The following ZNF845 variants were observed in gnomAD, a reference collection of about 807,000 sequenced individuals.
ZNF845 encodes zinc finger protein 845.
Under a neutral mutation model 76.1 loss-of-function variants are expected in ZNF845, and 59 were observed. The observed-to-expected ratio is 0.78, with a 90% CI of 0.63 to 0.96. ZNF845 has a LOEUF of 0.96. Among genes scored for constraint, ZNF845 ranks in the 40% least tolerant of loss-of-function variants. The pLI, the probability that ZNF845 is intolerant of heterozygous loss-of-function variation, is 0.00. For synonymous variants in ZNF845, 361 were observed against 386.9 expected (o/e 0.93, Z 0.78); for missense variants, 1,045 against 1,172.8 (o/e 0.89, Z 1.59).
In ZNF845 at chr19:53,351,024, A is replaced by G; in HGVS notation, c.349A>G (p.Lys117Glu). Residue 117 changes from lysine (K) to glutamate (E), a missense_variant, in exon 4 of 4, where the codon AAA (lysine) becomes GAA (glutamate). Physicochemically the swap from Lys to Glu is moderately conservative, Grantham distance 56. Transcript: ENST00000458035. ...CCATGAAGCACCCATGACAGAAATCAAACAGTTGACGGGTAGTACAAACCG... is the reference window on the plus strand; with the variant it reads ...CCATGAAGCACCCATGACAGAAATCGAACAGTTGACGGGTAGTACAAACCG... The part of the protein sequence containing the change: ...NSHEAPMTEI[K>E]QLTGSTNRHD... 1 of 1,614,210 alleles carries G rather than the reference A, an allele frequency of 6.2e-7. No homozygotes were observed. The highest frequency in any genetic ancestry group is 8.5e-7 in the Non-Finnish European group (1 of 1,180,032).
In ZNF845 at chr19:53,356,396, G is replaced by C. The variant is rs2085386221; in HGVS notation, c.*2808G>C. On this transcript the variant is annotated 3_prime_UTR_variant, in exon 4 of 4. Transcript: ENST00000458035. ...TGCTAAAAGTAAAAAAAGTCAGCCA[G>C]GTGTGGTGGTGCACTGCTGTGGTCC... The C allele has an allele frequency of 6.6e-6, 1 of 152,212 alleles. No individual in the cohort carries two copies. The highest frequency in any genetic ancestry group is 2.4e-5 in the African/African-American group (1 of 41,432). 9.4% of individuals were successfully genotyped at this position (152,212 alleles called of 1,614,324 possible).
chr19:53,336,633 C>CTTTTTTT (rs398035035), intron 1 of ZNF845, among the ~76,000 whole-genome samples: 82 of 92,342 alleles, frequency 8.9e-4, no homozygotes, highest in East Asian at 1.7e-3. Flanking sequence ...TTCTTTCTTT[C>CTTTTTTT]TTTTTTTTTT....
Position 53,348,494 on chromosome 19 carries a change from T to A in ZNF845, c.143-2324T>A, listed in dbSNP as rs557710581. 5.3e-5 allele frequency among the ~76,000 whole-genome samples: 8 copies of A among 152,274 alleles called. No individual in the cohort carries two copies. The East Asian group carries it at 1.4e-3, about 26-fold the overall frequency. ...TTAATATCTCTTTTTATAAAAGCACTAGTCCTATTCATGAGTAGTCAACAC... is the reference window on the plus strand; with the variant it reads ...TTAATATCTCTTTTTATAAAAGCACAAGTCCTATTCATGAGTAGTCAACAC... On this transcript the variant is annotated intron_variant, in intron 3 of 3. Coordinates refer to ENST00000458035, the MANE Select transcript of ZNF845 (RefSeq NM_138374.3).
intron 1 of ZNF845, among the ~76,000 whole-genome samples, chr19:53,339,048 C>T (rs912725368): frequency 2.0e-5 from 3 of 152,070 alleles, no homozygotes; most frequent in South Asian, 2.1e-4. Context: ...TGCAGTGAGC[C>T]GAGATCGCGC....
chr19:53,351,753 T>C lies in ZNF845; in HGVS notation c.1078T>C (p.Cys360Arg), dbSNP rs1599987789. Residue 360 changes from cysteine to arginine, a missense_variant, in exon 4 of 4, where the codon TGT (cysteine) becomes CGT (arginine). Transcript: ENST00000458035. Reference protein sequence around the residue: ...TGEKPYKCEECDKAFSFKSNL... With the variant: ...TGEKPYKCEERDKAFSFKSNL... ...AGAGAAACCTTACAAATGTGAAGAA[T>C]GTGACAAAGCTTTCAGTTTCAAATC... 1 of 1,614,094 alleles carries C rather than the reference T, an allele frequency of 6.2e-7. No individual in the cohort carries two copies.
At chr19:53,350,785 A>C (rs1454494250) in intron 3 of ZNF845, 33 bp from the exon 4 acceptor site, 1 of 1,598,446 alleles carries the variant, frequency 6.3e-7, no homozygotes, top group Non-Finnish European at 8.5e-7. Context: ...ATCTATACTT[A>C]AGTGGAAACC....
chr19:53,348,959 C>T (rs957891053), intron 3 of ZNF845, among the ~76,000 whole-genome samples: 3 of 145,688 alleles, frequency 2.1e-5, no homozygotes, highest in Admixed American at 7.2e-5. Context: ...TGGGTTCAAA[C>T]GATTCTCCTG....
rs2085386502 is a variant in ZNF845, at chr19:53,356,436, A to G, written c.*2848A>G. ...TGCTGTGGTCCCAGCTACTCTGGGCACTGAAGTGGGAGGATCAGTTGAAGC... is the reference window on the plus strand; with the variant it reads ...TGCTGTGGTCCCAGCTACTCTGGGCGCTGAAGTGGGAGGATCAGTTGAAGC... On this transcript the variant is annotated 3_prime_UTR_variant, in exon 4 of 4. Coordinates refer to ENST00000458035, the MANE Select transcript of ZNF845 (RefSeq NM_138374.3). 6.6e-6 allele frequency: 1 copy of G among 152,314 alleles called. No individual in the cohort carries two copies. Among genetic ancestry groups the G allele is most frequent in the East Asian group, 1.9e-4 (1 of 5,164 alleles). The allele number at this position is 152,314 out of a possible 1,614,324, so 9.4% of individuals were successfully genotyped here. A position where few individuals can be genotyped will look rare whatever the true frequency, so the allele number is the denominator to read the frequency against.
chr19:53,348,881 G>T (rs894615322), intron 3 of ZNF845, among the ~76,000 whole-genome samples: 1 of 125,932 alleles, frequency 7.9e-6, no homozygotes, highest in African/African-American at 3.1e-5. Flanking sequence ...TTGTGAGACA[G>T]AGTCTCACCC....
In ZNF845 at chr19:53,353,722, A is replaced by G; in HGVS notation, c.*134A>G. On this transcript the variant is annotated 3_prime_UTR_variant, in exon 4 of 4. Transcript: ENST00000458035. ...TTGGGCGTGATTCACACCTGGCCCA[A>G]CAAACTAGAAGTCACACTGGAGAGA... 1.3e-6 allele frequency: 2 copies of G among 1,513,858 alleles called. No homozygotes were observed. Among genetic ancestry groups the G allele is most frequent in the South Asian group, 1.4e-5 (1 of 73,206 alleles). The allele number at this position is 1,513,858 out of a possible 1,614,324, so 93.8% of individuals were successfully genotyped here. A position where few individuals can be genotyped will look rare whatever the true frequency, so the allele number is the denominator to read the frequency against.
rs10420481 is a variant in ZNF845, at chr19:53,355,177, T to G, written c.*1589T>G. The stretch of plus-strand genomic sequence containing the variant: ...TCCGCCCCCATCAGCATCCCAAAGT[T>G]CTGGGATTACAGGTGTGAGCCACCG... On this transcript the variant is annotated 3_prime_UTR_variant, in exon 4 of 4. Coordinates refer to ENST00000458035, the MANE Select transcript of ZNF845 (RefSeq NM_138374.3). 0.82 allele frequency: 124,843 copies of G among 152,006 alleles called. 51,570 individuals carry two copies. The highest frequency in any genetic ancestry group is 0.88 in the Non-Finnish European group (59,611 of 68,014). 9.4% of individuals were successfully genotyped at this position (152,006 alleles called of 1,614,324 possible). A position where few individuals can be genotyped will look rare whatever the true frequency, so the allele number is the denominator to read the frequency against.
At chr19:53,344,590 T>TTTTTTTTTATTTTA in intron 2 of ZNF845, among the ~76,000 whole-genome samples, 1 of 127,246 alleles carries the variant, frequency 7.9e-6, no homozygotes, top group African/African-American at 3.2e-5. Context: ...CTACATTGAT[T>TTTTTTTTTATTTTA]TTTATTTTAT....
intron 2 of ZNF845, among the ~76,000 whole-genome samples, chr19:53,343,428 G>T (rs55861621): frequency 6.6e-6 from 1 of 152,114 alleles, no homozygotes; most frequent in East Asian, 1.9e-4. Context: ...CTCCAGGTCA[G>T]GCGGTTGAAA....
chr19:53,348,461 C>T (rs191536294), intron 3 of ZNF845, among the ~76,000 whole-genome samples: 11 of 152,202 alleles, frequency 7.2e-5, no homozygotes, highest in East Asian at 1.9e-4. Context: ...GAACAGGAAA[C>T]GAGCTCTTTA....
At chr19:53,334,840 G>T (rs749164428) in intron 1 of ZNF845, among the ~76,000 whole-genome samples, 2 of 152,066 alleles carry the variant, frequency 1.3e-5, no homozygotes, top group Non-Finnish European at 2.9e-5. Context: ...AGCCCAGGAG[G>T]TCCAGGCTGC....
intron 3 of ZNF845, 98 bp from the exon 4 acceptor site, chr19:53,350,720 T>C: frequency 6.8e-7 from 1 of 1,460,856 alleles, no homozygotes; most frequent in Non-Finnish European, 9.2e-7. Context: ...GTTTGGGAAG[T>C]TTAAAATAAG....
Position 53,351,079 on chromosome 19 carries a change from CTAT to C in ZNF845, c.407_409del (p.Ile136del), listed in dbSNP as rs2085330603. 1 of 1,614,080 alleles carries C rather than the reference CTAT, an allele frequency of 6.2e-7. No homozygotes were observed. Among genetic ancestry groups the C allele is most frequent in the African/African-American group, 1.3e-5 (1 of 74,930 alleles). On this transcript the variant is annotated inframe_deletion, in exon 4 of 4. Transcript: ENST00000458035. ...GATCAAAGGCATGCTGGAAACAAGC[CTAT>C]TAAAGATCAGCTTGGATCAAGCTTT...
chr19:53,343,407 C>T (rs535720128), intron 2 of ZNF845, among the ~76,000 whole-genome samples: 3 of 152,280 alleles, frequency 2.0e-5, no homozygotes, highest in East Asian at 1.9e-4. Flanking sequence ...ACTACAGATA[C>T]CTGAAGATTC....
chr19:53,338,218 C>T (rs554430477), intron 1 of ZNF845, among the ~76,000 whole-genome samples: 6 of 152,282 alleles, frequency 3.9e-5, no homozygotes, highest in East Asian at 1.9e-4. Flanking sequence ...ATCTGAACTT[C>T]CTGTGGCTAT....
Sources: gnomAD v4.1 joint callset for allele counts (sites outside exome capture counted in the v4.1 genomes callset) on GRCh38, gnomAD v4.1.1 for gene constraint, MANE v1.5 for transcripts, NCBI Gene and HGNC (gene_info 2026-07-23, HGNC 2026-07-21) for gene names.